The following RORA variants were observed in gnomAD, a reference collection of about 807,000 sequenced individuals.
RORA encodes the protein nuclear receptor ROR-alpha.
A neutral mutation model predicts 69.5 loss-of-function variants in RORA; 7 were observed. The observed-to-expected ratio is 0.10, with a 90% CI of 0.06 to 0.19. RORA has a LOEUF of 0.19. RORA is among the 10% of genes least tolerant of loss of function. The pLI, the probability that RORA is intolerant of heterozygous loss-of-function variation, is 1.00. For synonymous variants in RORA, 261 were observed against 240.8 expected (o/e 1.08, Z -0.78); for missense variants, 457 against 663.0 (o/e 0.69, Z 3.41).
At chr15:60,567,043 A>C (rs1475593189) in intron 2 of RORA, among the ~76,000 whole-genome samples, 2 of 152,188 alleles carry the variant, frequency 1.3e-5, no homozygotes, top group African/African-American at 4.8e-5. Context: ...ACACAATCTC[A>C]ATAATGATAA....
chr15:60,873,529 T>C (rs1392261946), intron 1 of RORA, among the ~76,000 whole-genome samples: 1 of 152,156 alleles, frequency 6.6e-6, no homozygotes, highest in Non-Finnish European at 1.5e-5. Context: ...TTCGGTATTA[T>C]TAACAATATG....
chr15:61,179,527 ATT>A (rs1381090009), intron 1 of RORA, among the ~76,000 whole-genome samples: 1 of 152,154 alleles, frequency 6.6e-6, no homozygotes, highest in Non-Finnish European at 1.5e-5. Flanking sequence ...TATTTTCTCT[ATT>A]TTCAGTTCTT....
At chr15:60,550,093 C>A (rs2067188747) in intron 2 of RORA, among the ~76,000 whole-genome samples, 1 of 152,188 alleles carries the variant, frequency 6.6e-6, no homozygotes, top group Admixed American at 6.5e-5. Context: ...GAGTTCAAGA[C>A]CAGCCTGGCC....
At chr15:60,868,342 G>A (rs1304754931) in intron 1 of RORA, among the ~76,000 whole-genome samples, 4 of 152,192 alleles carry the variant, frequency 2.6e-5, no homozygotes, top group African/African-American at 9.6e-5. Flanking sequence ...CATCTCCCTT[G>A]GAGGTCACTG....
At chr15:60,849,233 C>G (rs1460809551) in intron 1 of RORA, among the ~76,000 whole-genome samples, 1 of 152,122 alleles carries the variant, frequency 6.6e-6, no homozygotes, top group Non-Finnish European at 1.5e-5. Flanking sequence ...TTATGATTAC[C>G]TCTGAGTACT....
chr15:60,522,605 A>G (rs553164811), intron 3 of RORA, among the ~76,000 whole-genome samples: 2 of 151,430 alleles, frequency 1.3e-5, no homozygotes, highest in East Asian at 3.9e-4. Flanking sequence ...CCCTGTCTCT[A>G]CAGGAAATAA....
intron 1 of RORA, among the ~76,000 whole-genome samples, chr15:60,708,282 C>T (rs2071093760): frequency 6.6e-6 from 1 of 151,790 alleles, no homozygotes; most frequent in Admixed American, 6.6e-5. Context: ...ATTAGCTGGG[C>T]TTGGTGGTGT....
chr15:60,735,707 G>C (rs994552872), intron 1 of RORA, among the ~76,000 whole-genome samples: 2 of 152,180 alleles, frequency 1.3e-5, no homozygotes, highest in African/African-American at 4.8e-5. Flanking sequence ...TCATAGAAGA[G>C]ATGAACTTTG....
intron 1 of RORA, among the ~76,000 whole-genome samples, chr15:60,713,463 T>C (rs190722448): frequency 8.5e-5 from 13 of 152,300 alleles, no homozygotes; most frequent in Non-Finnish European, 1.6e-4. Context: ...TGAATGGATA[T>C]TTGAAGAGTT....
At chr15:60,603,112 G>A (rs1323203271) in intron 2 of RORA, among the ~76,000 whole-genome samples, 1 of 152,170 alleles carries the variant, frequency 6.6e-6, no homozygotes, top group Non-Finnish European at 1.5e-5. Context: ...AATTTGCTCT[G>A]TTTTATTGTT....
At chr15:60,630,201 C>T (rs927116921) in intron 2 of RORA, among the ~76,000 whole-genome samples, 1 of 152,172 alleles carries the variant, frequency 6.6e-6, no homozygotes, top group African/African-American at 2.4e-5. Flanking sequence ...ATATACATTC[C>T]CTGATTTGGA....
At chr15:60,625,669 A>C (rs1371956047) in intron 2 of RORA, among the ~76,000 whole-genome samples, 1 of 152,242 alleles carries the variant, frequency 6.6e-6, no homozygotes, top group Non-Finnish European at 1.5e-5. Flanking sequence ...ATTATCTCTA[A>C]AGATGTGGCG....
At chr15:60,607,387 T>C (rs750279677) in intron 2 of RORA, among the ~76,000 whole-genome samples, 1 of 152,228 alleles carries the variant, frequency 6.6e-6, no homozygotes, top group Non-Finnish European at 1.5e-5. Flanking sequence ...TAGGCACTTA[T>C]AGAAATACGC....
At chr15:61,134,553 T>A (rs777164019) in intron 1 of RORA, among the ~76,000 whole-genome samples, 1 of 152,166 alleles carries the variant, frequency 6.6e-6, no homozygotes, top group East Asian at 1.9e-4. Flanking sequence ...TATTAACCCA[T>A]TAAAAATGCT....
intron 1 of RORA, among the ~76,000 whole-genome samples, chr15:61,038,342 A>C (rs1456691907): frequency 6.6e-6 from 1 of 152,144 alleles, no homozygotes; most frequent in African/African-American, 2.4e-5. Context: ...ATTTCTTTGG[A>C]CCAGCAGAGG....
At chr15:61,219,326 G>C (rs1237355169) in intron 1 of RORA, among the ~76,000 whole-genome samples, 1 of 152,218 alleles carries the variant, frequency 6.6e-6, no homozygotes, top group Admixed American at 6.5e-5. Flanking sequence ...TGTAATCCCA[G>C]CACTTTGGGA....
At chr15:60,505,148 T>A (rs1031753905) in intron 6 of RORA, among the ~76,000 whole-genome samples, 1 of 152,184 alleles carries the variant, frequency 6.6e-6, no homozygotes, top group African/African-American at 2.4e-5. Flanking sequence ...TCCAGAAACA[T>A]TAGGCTGAGA....
intron 1 of RORA, among the ~76,000 whole-genome samples, chr15:60,811,834 G>A (rs1252432401): frequency 6.6e-6 from 1 of 151,672 alleles, no homozygotes; most frequent in African/African-American, 2.4e-5. Context: ...GTGGGTGCAA[G>A]GCCAGCCAAG....
intron 1 of RORA, among the ~76,000 whole-genome samples, chr15:60,948,180 C>T (rs1046522803): frequency 1.3e-5 from 2 of 151,822 alleles, no homozygotes; most frequent in Admixed American, 1.3e-4. Context: ...AAAGTTCTTT[C>T]CAGAGGATGG....
Sources: allele counts gnomAD v4.1 joint callset (sites outside exome capture counted in the v4.1 genomes callset), GRCh38; gene constraint gnomAD v4.1.1; transcripts MANE v1.5; gene names NCBI Gene and HGNC (gene_info 2026-07-23, HGNC 2026-07-21).